RB1: variants seen among roughly 807,000 people sequenced by gnomAD.
RB1 encodes the protein RB transcriptional corepressor 1.
A neutral mutation model predicts 135.4 loss-of-function variants in RB1; 18 were observed. The observed-to-expected ratio is 0.13, with a 90% CI of 0.09 to 0.20. The LOEUF is 0.20. Among genes scored for constraint, RB1 ranks in the 10% least tolerant of loss-of-function variants. The probability of loss-of-function intolerance (pLI) is 1.00; values close to 1 mark genes in which losing one functional copy is unlikely to be tolerated. For synonymous variants in RB1, 365 were observed against 373.2 expected, an observed-to-expected ratio of 0.98 and a Z score of 0.25; for missense variants, 868 against 1,110.0, an observed-to-expected ratio of 0.78 and a Z score of 3.10.
At chr13:48,364,826 T>C in intron 8 of RB1, 68 bp from the exon 9 acceptor site, 1 of 1,518,112 alleles carries the variant, frequency 6.6e-7, no homozygotes, top group Non-Finnish European at 8.9e-7. Context: ...CCCTGCATTG[T>C]TCAAGAGTCA....
intron 12 of RB1, among the ~76,000 whole-genome samples, chr13:48,376,457 G>A (rs956573613): frequency 2.8e-5 from 4 of 142,368 alleles, no homozygotes; most frequent in African/African-American, 5.3e-5. Flanking sequence ...CCGAGATTGC[G>A]CCACTGCACT....
At chr13:48,320,746 G>T (rs1357316764) in intron 2 of RB1, among the ~76,000 whole-genome samples, 1 of 151,944 alleles carries the variant, frequency 6.6e-6, no homozygotes, top group East Asian at 1.9e-4. Context: ...CCAGGGAATC[G>T]CTTGAAGCCG....
intron 17 of RB1, among the ~76,000 whole-genome samples, chr13:48,435,228 G>T (rs1207754572): frequency 2.6e-5 from 4 of 152,128 alleles, no homozygotes; most frequent in Non-Finnish European, 5.9e-5. Flanking sequence ...CCATCATTTG[G>T]TGATGTCTTT....
At chr13:48,433,729 A>G (rs1426772425) in intron 17 of RB1, among the ~76,000 whole-genome samples, 1 of 151,414 alleles carries the variant, frequency 6.6e-6, no homozygotes, top group Non-Finnish European at 1.5e-5. Flanking sequence ...TTACAAAACA[A>G]TGATATCTTT....
rs878853948 is a variant in RB1 at position 48,307,322 on chromosome 13, A to G, written c.180A>G (p.Leu60=). 3.0e-5 allele frequency: 48 copies of G among 1,610,046 alleles called. No individual in the cohort carries two copies. The highest frequency in any genetic ancestry group is 3.9e-5 in the Non-Finnish European group (46 of 1,176,626). Residue 60 remains leucine, a synonymous_variant, in exon 2 of 27, where the codon TTA becomes TTG. Coordinates refer to ENST00000267163, the MANE Select transcript of RB1 (RefSeq NM_000321.3). ...CAGAAGAACCTGATTTTACTGCATT[A>G]TGTCAGAAATTAAAGATACCAGATC... ...EETEEPDFTA[L]CQKLKIPDHV...
chr13:48,352,803 A>G (rs916937905), intron 6 of RB1, among the ~76,000 whole-genome samples: 14 of 152,110 alleles, frequency 9.2e-5, no homozygotes, highest in Non-Finnish European at 4.4e-5. Context: ...TCTGCCACAG[A>G]GATAGTTTGA....
At position 48,403,395 on chromosome 13, in the gene RB1, C is replaced by G. The variant is rs1433177212; in HGVS notation, c.1695+21952C>G. On this transcript the variant is annotated intron_variant, in intron 17 of 26. Transcript: ENST00000267163. ...ACCCAGCAGTACTCAGACTGTGAAG[C>G]AGAAAAACTGTGGAGGGAAGTGGAG... Among the ~76,000 whole-genome samples, 7 of 152,050 alleles carry G rather than the reference C, an allele frequency of 4.6e-5. No homozygotes were observed. In the East Asian group the frequency reaches 1.3e-3, roughly 29 times the overall value.
intron 2 of RB1, chr13:48,320,228 G>T: frequency 9.3e-7 from 1 of 1,070,128 alleles, no homozygotes; most frequent in Non-Finnish European, 1.4e-6. Flanking sequence ...TGCACGGTGG[G>T]CTTGGCAGCT....
At chr13:48,375,010 C>T (rs555047714) in intron 12 of RB1, among the ~76,000 whole-genome samples, 15 of 152,280 alleles carry the variant, frequency 9.9e-5, no homozygotes, top group Middle Eastern at 3.4e-3. Flanking sequence ...TAATGACCTC[C>T]AGCTACATCC....
intron 17 of RB1, among the ~76,000 whole-genome samples, chr13:48,424,525 A>C (rs1949052378): frequency 6.6e-6 from 1 of 152,198 alleles, no homozygotes; most frequent in Non-Finnish European, 1.5e-5. Flanking sequence ...AGGAGTGAAA[A>C]TGTTATTGTG....
chr13:48,345,746 G>A (rs183981566), intron 4 of RB1, among the ~76,000 whole-genome samples: 29 of 152,222 alleles, frequency 1.9e-4, no homozygotes, highest in Admixed American at 3.9e-4. Flanking sequence ...CCTTAATTTG[G>A]CATATGTCTG....
intron 17 of RB1, among the ~76,000 whole-genome samples, chr13:48,420,273 C>T (rs1332870423): frequency 6.6e-6 from 1 of 152,072 alleles, no homozygotes; most frequent in African/African-American, 2.4e-5. Flanking sequence ...TAAACAGAAC[C>T]AAAGATAAAA....
rs193172491 is a variant in RB1 at position 48,399,109 on chromosome 13, A to C, written c.1695+17666A>C. On this transcript the variant is annotated intron_variant, in intron 17 of 26. Coordinates refer to ENST00000267163, the MANE Select transcript of RB1 (RefSeq NM_000321.3). ...TATAAGTGTTTTCAGAATCCACAATAATTTAGGTTGAAATTAGGTATTTGG... is the reference window on the plus strand; with the variant it reads ...TATAAGTGTTTTCAGAATCCACAATCATTTAGGTTGAAATTAGGTATTTGG... Among the ~76,000 whole-genome samples the C allele has an allele frequency of 5.3e-5, 8 of 152,160 alleles. No individual in the cohort carries two copies. The East Asian group carries it at 1.5e-3, about 29-fold the overall frequency.
chr13:48,428,506 A>G (rs958106486), intron 17 of RB1, among the ~76,000 whole-genome samples: 1 of 152,242 alleles, frequency 6.6e-6, no homozygotes, highest in Admixed American at 6.5e-5. Flanking sequence ...GAAGGGACAA[A>G]CATTGAAACC....
chr13:48,410,115 A>G (rs559982477), intron 17 of RB1, among the ~76,000 whole-genome samples: 2 of 152,178 alleles, frequency 1.3e-5, no homozygotes, highest in Non-Finnish European at 2.9e-5. Context: ...AATGTTTTGA[A>G]CTTCCCAATA....
At chr13:48,341,616 A>G (rs925914626) in intron 2 of RB1, among the ~76,000 whole-genome samples, 1 of 152,032 alleles carries the variant, frequency 6.6e-6, no homozygotes, top group African/African-American at 2.4e-5. Context: ...TAGTGGGTGT[A>G]TAATTGTAAT....
In RB1 at chr13:48,397,010, G is replaced by A. The variant is rs576786887; in HGVS notation, c.1695+15567G>A. Among the ~76,000 whole-genome samples the A allele has an allele frequency of 1.1e-4, 17 of 152,338 alleles. 1 individual carries two copies. The highest frequency in any genetic ancestry group is 3.8e-4 in the African/African-American group (16 of 41,570). The stretch of plus-strand genomic sequence containing the variant: ...TCAGGAAACAACAGATGCTGGAGAG[G>A]CTGTGGAGTAATAGGAATGGTTTTA... On this transcript the variant is annotated intron_variant, in intron 17 of 26. Coordinates refer to ENST00000267163, the MANE Select transcript of RB1 (RefSeq NM_000321.3).
chr13:48,441,385 C>A (rs1432019170), intron 17 of RB1, among the ~76,000 whole-genome samples: 2 of 152,164 alleles, frequency 1.3e-5, no homozygotes, highest in Non-Finnish European at 2.9e-5. Flanking sequence ...TTTTAAGGCA[C>A]TAGGGCAAGA....
At chr13:48,454,245 T>C (rs1219592172) in intron 18 of RB1, among the ~76,000 whole-genome samples, 1 of 152,246 alleles carries the variant, frequency 6.6e-6, no homozygotes, top group Non-Finnish European at 1.5e-5. Context: ...TACATTGCCT[T>C]TCACAGAAAT....
Sources: gnomAD v4.1 joint callset for allele counts (sites outside exome capture counted in the v4.1 genomes callset) on GRCh38, gnomAD v4.1.1 for gene constraint, MANE v1.5 for transcripts, NCBI Gene and HGNC (gene_info 2026-07-23, HGNC 2026-07-21) for gene names.